The following FREM3 variants were observed in gnomAD, a reference collection of about 807,000 sequenced individuals.
FREM3 encodes FRAS1-related extracellular matrix protein 3.
In FREM3, 105 loss-of-function variants were observed where a neutral mutation model predicts 129.1. That is an observed-to-expected ratio of 0.81 (90% confidence interval 0.69 to 0.96). The LOEUF (loss-of-function observed/expected upper bound fraction) is 0.96. Ranked by LOEUF, FREM3 falls within the 40% of genes least tolerant of loss-of-function variation. The pLI is 0.00. For synonymous variants in FREM3, 1,014 were observed against 1,044.9 expected (o/e 0.97, Z 0.57); for missense variants, 2,593 against 2,666.3 (o/e 0.97, Z 0.61).
intron 2 of FREM3, among the ~76,000 whole-genome samples, chr4:143,686,380 G>A (rs1740363633): frequency 6.6e-6 from 1 of 152,082 alleles, no homozygotes; most frequent in Non-Finnish European, 1.5e-5. Flanking sequence ...TAATAGTGAA[G>A]GACTTCAATA....
intron 2 of FREM3, among the ~76,000 whole-genome samples, chr4:143,640,717 A>C (rs753711410): frequency 2.3e-4 from 35 of 152,066 alleles, no homozygotes; most frequent in Admixed American, 1.2e-3. Flanking sequence ...TTTTTTTTCT[A>C]GTTAGCAACA....
chr4:143,589,268 G>T (rs112884388), intron 6 of FREM3, among the ~76,000 whole-genome samples: 2,001 of 152,186 alleles, frequency 0.013, 43 homozygotes, highest in African/African-American at 0.046. Flanking sequence ...GTCAATTTTG[G>T]CTTTTGTTGC....
intron 3 of FREM3, 126 bp downstream of exon 3, chr4:143,627,488 A>C (rs1347103126): frequency 6.0e-6 from 5 of 834,824 alleles, no homozygotes; most frequent in Non-Finnish European, 9.2e-6. Context: ...TTTCACAGAC[A>C]CTTTTTTAGA....
At chr4:143,675,257 C>T (rs1740093736) in intron 2 of FREM3, among the ~76,000 whole-genome samples, 2 of 152,180 alleles carry the variant, frequency 1.3e-5, no homozygotes, top group African/African-American at 4.8e-5. Context: ...CGCTCAACTA[C>T]ATGGAAACTG....
intron 6 of FREM3, among the ~76,000 whole-genome samples, chr4:143,592,797 T>C (rs1041375595): frequency 2.6e-5 from 4 of 152,214 alleles, no homozygotes; most frequent in Non-Finnish European, 5.9e-5. Context: ...CCTTGCTAGA[T>C]TGGGGAAGTT....
chr4:143,638,532 A>C (rs2149845626), intron 2 of FREM3, among the ~76,000 whole-genome samples: 1 of 152,288 alleles, frequency 6.6e-6, no homozygotes, highest in African/African-American at 2.4e-5. Flanking sequence ...AAAAAGAATC[A>C]TGCTCATTTT....
intron 5 of FREM3, among the ~76,000 whole-genome samples, chr4:143,618,806 A>G (rs186652437): frequency 2.0e-5 from 3 of 152,274 alleles, no homozygotes; most frequent in Admixed American, 1.3e-4. Context: ...TGAGGTGGAA[A>G]GATGGCTTGA....
At chr4:143,690,954 C>T (rs1740455369) in intron 2 of FREM3, among the ~76,000 whole-genome samples, 1 of 152,048 alleles carries the variant, frequency 6.6e-6, no homozygotes, top group African/African-American at 2.4e-5. Context: ...TTCGAGGTTG[C>T]AGTGCACTAT....
At position 143,696,862 on chromosome 4, in the gene FREM3, C is replaced by A. The variant is rs370903425; in HGVS notation, c.3814G>T (p.Asp1272Tyr). 1.9e-4 allele frequency: 298 copies of A among 1,537,602 alleles called. No individual in the cohort carries two copies. The highest frequency in any genetic ancestry group is 2.3e-4 in the Non-Finnish European group (268 of 1,147,036). Residue 1272 changes from aspartate to tyrosine, a missense_variant, in exon 1 of 8, where the codon GAC (aspartate) becomes TAC (tyrosine). This residue lies in a region of FREM3 where 2,276 missense variants were observed against 2,267.2 expected (regional missense o/e 1.00). Coordinates refer to ENST00000329798, the MANE Select transcript of FREM3 (RefSeq NM_001168235.2). ...AAACTGTCCTCTTTTGTCTCTGAGTCATCATGCTCATACACAATGGTGGAG... is the reference window on the plus strand; with the variant it reads ...AAACTGTCCTCTTTTGTCTCTGAGTAATCATGCTCATACACAATGGTGGAG... ...EASTIVYEHDDSETKEDSFEV... is the reference protein window; with the variant it reads ...EASTIVYEHDYSETKEDSFEV...
Position 143,577,820 on chromosome 4 carries a change from G to T in FREM3, c.6211C>A (p.Leu2071Met). The T allele has an allele frequency of 6.5e-7, 1 of 1,537,266 alleles. No individual in the cohort carries two copies. The highest frequency in any genetic ancestry group is 8.7e-7 in the Non-Finnish European group (1 of 1,146,906). Residue 2071 changes from leucine to methionine, a missense_variant, in exon 8 of 8, where the codon CTG becomes ATG. Coordinates refer to ENST00000329798, the MANE Select transcript of FREM3 (RefSeq NM_001168235.2). Reference sequence around the variant, plus strand: ...ATGCGCACGCCTGGAGCAAAGTCCAGGTTTCGGCTGATACCAACATAATCT... The same window carrying T: ...ATGCGCACGCCTGGAGCAAAGTCCATGTTTCGGCTGATACCAACATAATCT... ...GTDYVGISRN[L>M]DFAPGVRMQT...
chr4:143,660,103 A>C (rs1286150192), intron 2 of FREM3, among the ~76,000 whole-genome samples: 3 of 149,484 alleles, frequency 2.0e-5, no homozygotes, highest in African/African-American at 7.4e-5. Flanking sequence ...CCCATTTGTC[A>C]ATTTTGGCTT....
Position 143,699,839 on chromosome 4 carries a change from A to G in FREM3, c.837T>C (p.Ala279=). ...CGCGGACCAGCACACCCGCGGACCC[A>G]GCGTCTTGGCCCTCAGGCCCCAGCA... ...VELLGPEGQD[A]GSAGVLVREH... The change falls in exon 1 of 8, where the codon GCT becomes GCC. Residue 279 remains alanine, a synonymous_variant. Transcript: ENST00000329798. This position sits in a 1 kb window ranked among gnomAD's most constrained non-coding sequence, Gnocchi z 4.2. 1 of 1,536,560 alleles carries G rather than the reference A, an allele frequency of 6.5e-7. No homozygotes were observed. Among genetic ancestry groups the G allele is most frequent in the East Asian group, 2.4e-5 (1 of 40,896 alleles).
intron 2 of FREM3, among the ~76,000 whole-genome samples, chr4:143,672,598 T>G (rs1025358302): frequency 1.3e-5 from 2 of 152,200 alleles, no homozygotes; most frequent in Non-Finnish European, 2.9e-5. Context: ...AGGAGTATCT[T>G]TGTGGCGTTC....
At chr4:143,662,297 CT>C (rs1739746801) in intron 2 of FREM3, among the ~76,000 whole-genome samples, 1 of 152,124 alleles carries the variant, frequency 6.6e-6, no homozygotes, top group African/African-American at 2.4e-5. Context: ...TGTCTTTGTT[CT>C]CATTGGTTTC....
At chr4:143,649,106 G>A (rs1237269731) in intron 2 of FREM3, 2 of 152,114 alleles carry the variant, frequency 1.3e-5, no homozygotes, top group African/African-American at 4.8e-5. Context: ...AAAAATCTTA[G>A]TTGTATAAAA....
At chr4:143,694,860 A>G (rs563652492) in intron 1 of FREM3, among the ~76,000 whole-genome samples, 20 of 152,366 alleles carry the variant, frequency 1.3e-4, no homozygotes, top group East Asian at 5.8e-4. Flanking sequence ...GCACAGAGCT[A>G]TCTAAAAAAG....
intron 7 of FREM3, among the ~76,000 whole-genome samples, chr4:143,584,195 G>T (rs1738197772): frequency 6.6e-6 from 1 of 152,016 alleles, no homozygotes; most frequent in African/African-American, 2.4e-5. Flanking sequence ...GGATCATGAG[G>T]TCAGGAGATC....
At chr4:143,622,702 A>G (rs1251764701) in intron 4 of FREM3, among the ~76,000 whole-genome samples, 1 of 152,160 alleles carries the variant, frequency 6.6e-6, no homozygotes. Context: ...AAAATTATCA[A>G]TGTCATATGA....
intron 2 of FREM3, among the ~76,000 whole-genome samples, chr4:143,630,585 C>T (rs1739118584): frequency 6.6e-6 from 1 of 152,126 alleles, no homozygotes; most frequent in African/African-American, 2.4e-5. Flanking sequence ...CAAGCATGAG[C>T]TCCTTAGTCA....
Sources: allele counts gnomAD v4.1 joint callset (sites outside exome capture counted in the v4.1 genomes callset), GRCh38; gene constraint gnomAD v4.1.1; regional missense constraint gnomAD v4.1.1; non-coding constraint Gnocchi (gnomAD v3.1); transcripts MANE v1.5; gene names NCBI Gene and HGNC (gene_info 2026-07-23, HGNC 2026-07-21).